The following FRMPD4 variants were observed in gnomAD, a reference collection of about 807,000 sequenced individuals.
The protein encoded by FRMPD4 is FERM and PDZ domain containing 4.
FRMPD4 carries 22 observed loss-of-function variants against 94.1 expected under a neutral mutation model. The ratio of observed to expected loss-of-function variants is 0.23; its 90% CI spans 0.17 to 0.33. The LOEUF is 0.33. FRMPD4 is among the 10% of genes least tolerant of loss of function. FRMPD4 has a pLI of 1.00. For synonymous variants in FRMPD4, 631 were observed against 548.6 expected (o/e 1.15, Z -2.10); for missense variants, 1,111 against 1,339.9 (o/e 0.83, Z 2.67).
At chrX:11,870,422 G>A (rs2053749640) in intron 2 of FRMPD4, among the ~76,000 whole-genome samples, 1 of 111,951 alleles carries the variant, frequency 8.9e-6, no homozygotes, top group African/African-American at 3.3e-5. Flanking sequence ...GATGTGGATG[G>A]GGGATGACCA....
rs780248115 is a variant in FRMPD4 at position 12,414,223 on chromosome X, A to C, written c.42-84457A>C. Among the ~76,000 whole-genome samples the C allele has an allele frequency of 4.4e-5, 5 of 112,661 alleles. No homozygotes were observed. The South Asian group carries it at 1.8e-3, about 41-fold the overall frequency. On this transcript the variant is annotated intron_variant, in intron 1 of 16. Transcript: ENST00000675598. ...AGGTCCTCACTAATCCTATCCACAC[A>C]ACACACTATGGTTCATTAACAGATT... is the stretch of plus-strand genomic sequence containing the variant.
At chrX:12,209,524 T>G (rs940346584) in intron 1 of FRMPD4, among the ~76,000 whole-genome samples, 1 of 112,268 alleles carries the variant, frequency 8.9e-6, no homozygotes, top group Non-Finnish European at 1.9e-5. Flanking sequence ...CATAGACTTA[T>G]CTTTTTTCAC....
chrX:12,146,190 C>T (rs757297951), intron 1 of FRMPD4, among the ~76,000 whole-genome samples: 2 of 110,013 alleles, frequency 1.8e-5, no homozygotes, highest in Admixed American at 9.7e-5. Context: ...GGTCAAACCC[C>T]GTCTCTACTA....
intron 2 of FRMPD4, among the ~76,000 whole-genome samples, chrX:12,606,908 A>G (rs2059136373): frequency 9.0e-6 from 1 of 111,514 alleles, no homozygotes; most frequent in South Asian, 3.8e-4. Flanking sequence ...CCAGAGAACC[A>G]AAGTGTCCAC....
chrX:12,326,876 C>A (rs12841202), intron 1 of FRMPD4, among the ~76,000 whole-genome samples: 1 of 110,588 alleles, frequency 9.0e-6, no homozygotes, highest in African/African-American at 3.3e-5. Flanking sequence ...GCAGGAGGAT[C>A]CCTTGAGCCC....
intron 1 of FRMPD4, among the ~76,000 whole-genome samples, chrX:12,185,545 C>T (rs771951310): frequency 8.1e-5 from 9 of 111,453 alleles, no homozygotes; most frequent in African/African-American, 2.3e-4. Flanking sequence ...GGTCCCTCTA[C>T]GACCCAAATC....
intron 3 of FRMPD4, among the ~76,000 whole-genome samples, chrX:12,008,925 G>T (rs1169812818): frequency 2.7e-5 from 3 of 111,988 alleles, no homozygotes; most frequent in Non-Finnish European, 5.6e-5. Context: ...AGAGTTAAAT[G>T]AATATTTCAT....
intron 1 of FRMPD4, among the ~76,000 whole-genome samples, chrX:12,228,562 A>G: frequency 8.9e-6 from 1 of 112,072 alleles, no homozygotes; most frequent in East Asian, 2.8e-4. Context: ...GGTCTAGTCC[A>G]CCAGACATGA....
Position 11,899,755 on chromosome X carries a change from C to A in FRMPD4, c.95+21737C>A, listed in dbSNP as rs183450116. ...CTGTTATTCGCCATCAGTCTAGCAT[C>A]ATACTTTCTTCAATCATTTTCTGCT... On this transcript the variant is annotated intron_variant, in intron 3 of 18. Transcript: ENST00000640291. Among the ~76,000 whole-genome samples, 120 of 111,964 alleles carry A rather than the reference C, an allele frequency of 1.1e-3. 1 individual carries two copies. Among genetic ancestry groups the A allele is most frequent in the Non-Finnish European group, 1.7e-3 (93 of 53,206 alleles).
rs1184610542 is a variant in FRMPD4 at position 11,973,835 on chromosome X, G to A, written c.95+95817G>A. Among the ~76,000 whole-genome samples the A allele has an allele frequency of 4.5e-5, 5 of 111,613 alleles. 1 individual carries two copies. The Admixed American group carries it at 4.8e-4, about 11-fold the overall frequency. ...TTCTGCCACAGAAATCTCACAAAAT[G>A]TAAGGGTGGCAAGTCTTGAAGAGAA... is the stretch of plus-strand genomic sequence containing the variant. On this transcript the variant is annotated intron_variant, in intron 3 of 18. Transcript: ENST00000640291.
chrX:12,167,501 A>G (rs1366497941), intron 1 of FRMPD4, among the ~76,000 whole-genome samples: 1 of 111,430 alleles, frequency 9.0e-6, no homozygotes, highest in Non-Finnish European at 1.9e-5. Flanking sequence ...GTTTTCTCGG[A>G]TGGTGGGATT....
intron 1 of FRMPD4, among the ~76,000 whole-genome samples, chrX:12,318,306 G>A (rs1263460679): frequency 1.8e-5 from 2 of 112,165 alleles, no homozygotes; most frequent in Non-Finnish European, 3.8e-5. Context: ...TGGGAGAATC[G>A]CTTGAATTCA....
At chrX:11,964,262 C>A (rs1413377441) in intron 3 of FRMPD4, among the ~76,000 whole-genome samples, 1 of 109,890 alleles carries the variant, frequency 9.1e-6, no homozygotes, top group East Asian at 2.9e-4. Flanking sequence ...TGGGTTCACG[C>A]CAATCTCCTG....
At chrX:12,087,979 A>G (rs891536425) in intron 3 of FRMPD4, among the ~76,000 whole-genome samples, 1 of 112,444 alleles carries the variant, frequency 8.9e-6, no homozygotes, top group Non-Finnish European at 1.9e-5. Flanking sequence ...TGCAAGGATG[A>G]TTAGCAGCCC....
At chrX:12,450,882 A>AAAAAG (rs1555968128) in intron 1 of FRMPD4, among the ~76,000 whole-genome samples, 1 of 107,096 alleles carries the variant, frequency 9.3e-6, no homozygotes, top group Non-Finnish European at 1.9e-5. Context: ...AAAAAAAAAA[A>AAAAAG]AGAGAGAGAG....
At chrX:12,668,508 C>A (rs1465507749) in intron 4 of FRMPD4, among the ~76,000 whole-genome samples, 2 of 107,407 alleles carry the variant, frequency 1.9e-5, no homozygotes, top group Non-Finnish European at 3.8e-5. Context: ...TTCCCATTTT[C>A]AAATTAATAA....
At chrX:12,256,417 G>A (rs1415389002) in intron 1 of FRMPD4, among the ~76,000 whole-genome samples, 1 of 112,143 alleles carries the variant, frequency 8.9e-6, no homozygotes, top group African/African-American at 3.2e-5. Flanking sequence ...TTAGGTCTAT[G>A]AGCCAATAAT....
intron 2 of FRMPD4, among the ~76,000 whole-genome samples, chrX:12,523,897 G>A (rs775376951): frequency 1.8e-5 from 2 of 110,843 alleles, no homozygotes; most frequent in African/African-American, 3.3e-5. Flanking sequence ...GCTCATGCCT[G>A]TAATCTCAGC....
chrX:12,307,925 A>T (rs1433027267), intron 1 of FRMPD4, among the ~76,000 whole-genome samples: 1 of 111,334 alleles, frequency 9.0e-6, no homozygotes, highest in Non-Finnish European at 1.9e-5. Flanking sequence ...CTCTGAGATG[A>T]CAAGTGCAGG....
Sources: gnomAD v4.1 joint callset for allele counts (sites outside exome capture counted in the v4.1 genomes callset) on GRCh38, gnomAD v4.1.1 for gene constraint, MANE v1.5 for transcripts, NCBI Gene and HGNC (gene_info 2026-07-23, HGNC 2026-07-21) for gene names.